The following DCAF12 variants were observed in gnomAD, a reference collection of about 807,000 sequenced individuals.
DCAF12 encodes the protein DDB1 and CUL4 associated factor 12, also known as DDB1- and CUL4-associated factor 12.
Under a neutral mutation model 52.8 loss-of-function variants are expected in DCAF12, and 28 were observed. The ratio of observed to expected loss-of-function variants is 0.53; its 90% CI spans 0.39 to 0.73. The LOEUF (loss-of-function observed/expected upper bound fraction) is 0.73, where lower values mean the gene tolerates loss of function less well. Among genes scored for constraint, DCAF12 ranks in the 30% least tolerant of loss-of-function variants. The probability of loss-of-function intolerance (pLI) is 0.00; values close to 1 mark genes in which losing one functional copy is unlikely to be tolerated. For missense variants in DCAF12, 425 were observed against 552.2 expected (o/e 0.77, Z 2.31); for synonymous variants, 196 against 215.5 (o/e 0.91, Z 0.79).
At chr9:34,113,113 T>C (rs1434493335) in intron 2 of DCAF12, among the ~76,000 whole-genome samples, 1 of 152,034 alleles carries the variant, frequency 6.6e-6, no homozygotes, top group Non-Finnish European at 1.5e-5. Flanking sequence ...TGCAATGGCA[T>C]GATCTTGGCT....
At chr9:34,103,479 C>A (rs1359712568) in intron 4 of DCAF12, among the ~76,000 whole-genome samples, 1 of 152,040 alleles carries the variant, frequency 6.6e-6, no homozygotes, top group South Asian at 2.1e-4. Context: ...TCACAATACC[C>A]ATACACAAAG....
intron 2 of DCAF12, among the ~76,000 whole-genome samples, chr9:34,124,293 C>T (rs866757044): frequency 6.6e-6 from 1 of 152,206 alleles, no homozygotes; most frequent in African/African-American, 2.4e-5. Context: ...TAGGCCCTGC[C>T]TCTTTTCATT....
intron 7 of DCAF12, among the ~76,000 whole-genome samples, chr9:34,092,393 AAGT>A (rs374455243): frequency 1.4e-4 from 21 of 152,320 alleles, no homozygotes; most frequent in African/African-American, 4.8e-4. Flanking sequence ...ACAGGATAGA[AAGT>A]AGGGCTCTCG....
intron 2 of DCAF12, among the ~76,000 whole-genome samples, chr9:34,108,108 C>T (rs1828934514): frequency 6.6e-6 from 1 of 152,200 alleles, no homozygotes; most frequent in African/African-American, 2.4e-5. Context: ...TCCTATTCCT[C>T]CCTGCCTTTG....
At chr9:34,119,417 A>G (rs1448428073) in intron 2 of DCAF12, among the ~76,000 whole-genome samples, 4 of 152,316 alleles carry the variant, frequency 2.6e-5, no homozygotes, top group East Asian at 1.9e-4. Context: ...AATTGTGCAC[A>G]GCTATTATCA....
At chr9:34,105,724 T>C (rs894863439) in intron 4 of DCAF12, among the ~76,000 whole-genome samples, 1 of 152,014 alleles carries the variant, frequency 6.6e-6, no homozygotes, top group African/African-American at 2.4e-5. Flanking sequence ...TACTTCCTTT[T>C]TTATCTATCT....
In DCAF12 at chr9:34,093,468, A is replaced by G; in HGVS notation, c.862-20T>C. On this transcript the variant is annotated intron_variant, in intron 6 of 8. Transcript: ENST00000361264. ...GAGGAGCTGAAAATAGAGGAGAGAT[A>G]TAACCATGGCATCAGCAGAGAGGGT... The G allele has an allele frequency of 6.2e-7, 1 of 1,612,540 alleles. No homozygotes were observed. The highest frequency in any genetic ancestry group is 8.5e-7 in the Non-Finnish European group (1 of 1,178,638).
Position 34,093,456 on chromosome 9 carries a change from T to C in DCAF12, c.862-8A>G, listed in dbSNP as rs199806600. ...CAGTTTGGTGGAGAGGAGCTGAAAA[T>C]AGAGGAGAGATATAACCATGGCATC... is the stretch of plus-strand genomic sequence containing the variant. On this transcript the variant is annotated splice_polypyrimidine_tract_variant and splice_region_variant and intron_variant, in intron 6 of 8. Coordinates refer to ENST00000361264, the MANE Select transcript of DCAF12 (RefSeq NM_015397.4). 4.3e-6 allele frequency: 7 copies of C among 1,613,492 alleles called. No individual in the cohort carries two copies. In the African/African-American group the frequency reaches 6.7e-5, roughly 15 times the overall value.
At chr9:34,124,704 C>T (rs1225905094) in intron 2 of DCAF12, among the ~76,000 whole-genome samples, 3 of 152,112 alleles carry the variant, frequency 2.0e-5, no homozygotes, top group Admixed American at 1.3e-4. Flanking sequence ...TTAAATCTTT[C>T]CTTTGAGGCC....
chr9:34,106,827 T>C (rs998511789), intron 3 of DCAF12, among the ~76,000 whole-genome samples: 3 of 152,106 alleles, frequency 2.0e-5, no homozygotes, highest in African/African-American at 7.2e-5. Flanking sequence ...CCTTTAAGTC[T>C]CCCTGCTCAA....
intron 4 of DCAF12, 119 bp downstream of exon 4, chr9:34,106,315 T>A (rs1828902774): frequency 1.3e-6 from 1 of 774,848 alleles, no homozygotes; most frequent in Admixed American, 2.5e-5. Flanking sequence ...AGTGCTGGGA[T>A]TATAGGCGTG....
chr9:34,098,334 T>C lies in DCAF12; in HGVS notation c.785A>G (p.Asn262Ser), dbSNP rs1479035025. Reference sequence around the variant, plus strand: ...TACACAAGTTCATACCTTGTTCTTGTTGTTGAAGGCCAGAGCCCGAACCTT... The same window carrying C: ...TACACAAGTTCATACCTTGTTCTTGCTGTTGAAGGCCAGAGCCCGAACCTT... The part of the protein sequence containing the change: ...NCKVRALAFN[N>S]KNKELGAVSL... Residue 262 changes from asparagine to serine, a missense_variant, in exon 5 of 9, where the codon AAC (asparagine) becomes AGC (serine). This residue lies in a region of DCAF12 where 328 missense variants were observed against 444.4 expected (regional missense o/e 0.74). Coordinates refer to ENST00000361264, the MANE Select transcript of DCAF12 (RefSeq NM_015397.4). 1.9e-6 allele frequency: 3 copies of C among 1,613,952 alleles called. No individual in the cohort carries two copies. The highest frequency in any genetic ancestry group is 1.7e-5 in the Admixed American group (1 of 59,954).
At chr9:34,093,134 C>A in intron 7 of DCAF12, 152 bp downstream of exon 7, 3 of 999,740 alleles carry the variant, frequency 3.0e-6, no homozygotes, top group Non-Finnish European at 4.3e-6. Context: ...CAGGCGTAAG[C>A]CACCACGCCT....
At chr9:34,117,570 T>C (rs1036153638) in intron 2 of DCAF12, among the ~76,000 whole-genome samples, 1 of 152,122 alleles carries the variant, frequency 6.6e-6, no homozygotes, top group Non-Finnish European at 1.5e-5. Flanking sequence ...TTTGACAACA[T>C]ACAACAGAGG....
intron 2 of DCAF12, among the ~76,000 whole-genome samples, chr9:34,112,542 C>T (rs1215917617): frequency 4.8e-5 from 7 of 144,458 alleles, no homozygotes; most frequent in Non-Finnish European, 1.1e-4. Context: ...TGCAATGAGC[C>T]GAGATCACAC....
chr9:34,092,885 GC>G (rs1342145106), intron 7 of DCAF12, among the ~76,000 whole-genome samples: 2 of 151,836 alleles, frequency 1.3e-5, no homozygotes, highest in Non-Finnish European at 2.9e-5. Context: ...CGCGCTCATT[GC>G]CCAGGCTGGA....
At chr9:34,103,994 C>T (rs557198957) in intron 4 of DCAF12, among the ~76,000 whole-genome samples, 81 of 152,284 alleles carry the variant, frequency 5.3e-4, no homozygotes, top group Non-Finnish European at 1.1e-3. Context: ...CTAGGCCAGG[C>T]GCAGTGGCTC....
intron 5 of DCAF12, among the ~76,000 whole-genome samples, chr9:34,097,544 C>G (rs1225408883): frequency 1.3e-5 from 2 of 151,876 alleles, no homozygotes; most frequent in Non-Finnish European, 2.9e-5. Flanking sequence ...GCGTGAGTCA[C>G]TGCGCCTGGG....
At chr9:34,102,851 A>C (rs1828850358) in intron 4 of DCAF12, among the ~76,000 whole-genome samples, 1 of 149,582 alleles carries the variant, frequency 6.7e-6, no homozygotes, top group African/African-American at 2.5e-5. Context: ...TTAGGCAGGC[A>C]GGTCGCTTGA....
Sources: allele counts gnomAD v4.1 joint callset (sites outside exome capture counted in the v4.1 genomes callset), GRCh38; gene constraint gnomAD v4.1.1; regional missense constraint gnomAD v4.1.1; transcripts MANE v1.5; gene names NCBI Gene and HGNC (gene_info 2026-07-23, HGNC 2026-07-21).